Variants in PPP2R2A observed in about 807,000 individuals in gnomAD.
PPP2R2A encodes the protein protein phosphatase 2 regulatory subunit Balpha, also known as serine/threonine-protein phosphatase 2A 55 kDa regulatory subunit B alpha isoform.
In PPP2R2A, 9 loss-of-function variants were observed where a neutral mutation model predicts 53.2. The observed-to-expected ratio is 0.17, with a 90% CI of 0.10 to 0.30. The LOEUF is 0.30. Among genes scored for constraint, PPP2R2A ranks in the 10% least tolerant of loss-of-function variants. PPP2R2A has a pLI of 1.00. For synonymous variants in PPP2R2A, 169 were observed against 174.2 expected, an observed-to-expected ratio of 0.97 and a Z score of 0.23; for missense variants, 235 against 534.6, an observed-to-expected ratio of 0.44 and a Z score of 5.53.
intron 3 of PPP2R2A, among the ~76,000 whole-genome samples, chr8:26,344,956 AAC>A (rs2083447845): frequency 6.6e-6 from 1 of 152,190 alleles, no homozygotes; most frequent in Non-Finnish European, 1.5e-5. Context: ...CCAAGTCCTA[AAC>A]ACAAATTAAA....
intron 2 of PPP2R2A, among the ~76,000 whole-genome samples, chr8:26,308,139 C>T (rs1463858040): frequency 6.6e-6 from 1 of 152,198 alleles, no homozygotes; most frequent in African/African-American, 2.4e-5. Flanking sequence ...TTAAAAAGTA[C>T]ATTATTGCTA....
chr8:26,352,569 T>TC (rs1344329203), intron 3 of PPP2R2A, among the ~76,000 whole-genome samples: 1 of 152,232 alleles, frequency 6.6e-6, no homozygotes, highest in East Asian at 1.9e-4. Context: ...CCTGGCATCT[T>TC]GAGCTTTTTA....
rs934510758 is a variant in PPP2R2A, at chr8:26,308,480, TCA to T, written c.82+14743_82+14744del. Among the ~76,000 whole-genome samples, 427 of 152,372 alleles carry T rather than the reference TCA, an allele frequency of 2.8e-3. 1 individual carries two copies. Among genetic ancestry groups the T allele is most frequent in the African/African-American group, 9.8e-3 (406 of 41,578 alleles). ...TTTGTTTGTTTCATTTCAACAATGT[TCA>T]CAGTGTCATCACCAGCAGTAGATTC... On this transcript the variant is annotated intron_variant, in intron 2 of 9. Coordinates refer to ENST00000380737, the MANE Select transcript of PPP2R2A (RefSeq NM_002717.4).
intron 6 of PPP2R2A, among the ~76,000 whole-genome samples, chr8:26,361,569 G>A (rs1805083174): frequency 6.6e-6 from 1 of 152,106 alleles, no homozygotes; most frequent in Non-Finnish European, 1.5e-5. Context: ...TTGTGCCTCT[G>A]CACTCCAGCT....
intron 2 of PPP2R2A, among the ~76,000 whole-genome samples, chr8:26,337,628 C>T (rs1182041636): frequency 6.6e-6 from 1 of 152,192 alleles, no homozygotes; most frequent in Non-Finnish European, 1.5e-5. Context: ...CAGTTTTACG[C>T]CTTTTATGTT....
In PPP2R2A at chr8:26,362,758, A is replaced by G; in HGVS notation, c.712A>G (p.Ser238Gly). 6.2e-7 allele frequency: 1 copy of G among 1,613,952 alleles called. No individual in the cohort carries two copies. The highest frequency in any genetic ancestry group is 8.5e-7 in the Non-Finnish European group (1 of 1,179,814). The change falls in exon 7 of 10, where the codon AGC (serine) becomes GGC (glycine). Residue 238 changes from serine (S) to glycine (G), a missense_variant. This residue lies in a region of PPP2R2A where 181 missense variants were observed against 409.9 expected (regional missense o/e 0.44). Transcript: ENST00000380737. The surrounding 1 kb of genome is among the most constrained non-coding windows in gnomAD (Gnocchi z 4.4). Reference protein sequence around the residue: ...VITAAEFHPNSCNTFVYSSSK... With the variant: ...VITAAEFHPNGCNTFVYSSSK... Reference sequence around the variant, plus strand: ...TACAGCAGCAGAATTTCATCCAAACAGCTGTAACACATTTGTATACAGCAG... The same window carrying G: ...TACAGCAGCAGAATTTCATCCAAACGGCTGTAACACATTTGTATACAGCAG...
chr8:26,369,996 G>A, intron 9 of PPP2R2A, 138 bp from the exon 10 acceptor site: 2 of 787,980 alleles, frequency 2.5e-6, no homozygotes, highest in Non-Finnish European at 4.0e-6. Flanking sequence ...TAGTGATTGA[G>A]TTGATGTCAA....
At chr8:26,316,438 A>G (rs1467719696) in intron 2 of PPP2R2A, among the ~76,000 whole-genome samples, 1 of 152,368 alleles carries the variant, frequency 6.6e-6, no homozygotes, top group South Asian at 2.1e-4. Context: ...GCAGTCAGCC[A>G]AAAGCCGTGA....
chr8:26,310,665 TTC>T (rs200441689), intron 2 of PPP2R2A, among the ~76,000 whole-genome samples: 2,310 of 115,106 alleles, frequency 0.02, 23 homozygotes, highest in Middle Eastern at 0.056. Flanking sequence ...GATTTTTTTT[TTC>T]CTTTTTTTTT....
intron 3 of PPP2R2A, among the ~76,000 whole-genome samples, chr8:26,352,434 A>G (rs1432131956): frequency 6.6e-6 from 1 of 152,120 alleles, no homozygotes; most frequent in Non-Finnish European, 1.5e-5. Context: ...TAGCCTCTTC[A>G]GTTTTGTTAC....
At chr8:26,344,198 T>G (rs1804095249) in intron 3 of PPP2R2A, among the ~76,000 whole-genome samples, 1 of 152,218 alleles carries the variant, frequency 6.6e-6, no homozygotes, top group African/African-American at 2.4e-5. Flanking sequence ...TAAATCTTAC[T>G]TAATCATCAC....
chr8:26,353,543 T>G (rs570066572), intron 3 of PPP2R2A, among the ~76,000 whole-genome samples: 2 of 152,368 alleles, frequency 1.3e-5, no homozygotes, highest in East Asian at 3.9e-4. Flanking sequence ...TATTTTTTAC[T>G]TAAACTTTTT....
intron 2 of PPP2R2A, chr8:26,333,559 A>G: frequency 6.8e-6 from 8 of 1,174,642 alleles, no homozygotes; most frequent in Non-Finnish European, 8.8e-6. Flanking sequence ...GCCTCACAAC[A>G]CAAGAGCTGA....
chr8:26,307,430 G>A (rs1232370319), intron 2 of PPP2R2A, among the ~76,000 whole-genome samples: 1 of 152,138 alleles, frequency 6.6e-6, no homozygotes, highest in African/African-American at 2.4e-5. Context: ...TTATAGAATA[G>A]GCTAGATCCT....
chr8:26,324,906 G>T (rs543286753), intron 2 of PPP2R2A, among the ~76,000 whole-genome samples: 3 of 151,700 alleles, frequency 2.0e-5, no homozygotes, highest in African/African-American at 7.3e-5. Context: ...CTGGCCTGCT[G>T]GATTTCGGAC....
chr8:26,311,756 C>G (rs1802301971), intron 2 of PPP2R2A, among the ~76,000 whole-genome samples: 2 of 152,032 alleles, frequency 1.3e-5, no homozygotes, highest in Non-Finnish European at 2.9e-5. Flanking sequence ...TCCCTTTTTT[C>G]TCCAGTTCCT....
intron 2 of PPP2R2A, among the ~76,000 whole-genome samples, chr8:26,323,636 T>TG (rs1241251783): frequency 6.6e-6 from 1 of 152,150 alleles, no homozygotes; most frequent in African/African-American, 2.4e-5. Context: ...AGGATACAAA[T>TG]GAACAGCTAC....
At chr8:26,345,130 G>A (rs1474348926) in intron 3 of PPP2R2A, among the ~76,000 whole-genome samples, 2 of 152,090 alleles carry the variant, frequency 1.3e-5, no homozygotes, top group African/African-American at 2.4e-5. Context: ...AAATTGTGGA[G>A]CATTTTGGGT....
intron 2 of PPP2R2A, among the ~76,000 whole-genome samples, chr8:26,335,098 ACC>A (rs1803587466): frequency 2.0e-5 from 3 of 152,158 alleles, no homozygotes; most frequent in Admixed American, 2.0e-4. Context: ...GCAAGACCAT[ACC>A]CCATTCTTGG....
Sources: allele counts gnomAD v4.1 joint callset (sites outside exome capture counted in the v4.1 genomes callset), GRCh38; gene constraint gnomAD v4.1.1; regional missense constraint gnomAD v4.1.1; non-coding constraint Gnocchi (gnomAD v3.1); transcripts MANE v1.5; gene names NCBI Gene and HGNC (gene_info 2026-07-23, HGNC 2026-07-21).